The following FNDC3A variants were observed in gnomAD, a reference collection of about 807,000 sequenced individuals.
FNDC3A encodes fibronectin type-III domain-containing protein 3A.
FNDC3A carries 32 observed loss-of-function variants against 148.9 expected under a neutral mutation model. That is an observed-to-expected ratio of 0.21 (90% confidence interval 0.16 to 0.29). The LOEUF (loss-of-function observed/expected upper bound fraction) is 0.29, where lower values mean the gene tolerates loss of function less well. Among genes scored for constraint, FNDC3A ranks in the 10% least tolerant of loss-of-function variants. The pLI, the probability that FNDC3A is intolerant of heterozygous loss-of-function variation, is 1.00. For synonymous variants in FNDC3A, 472 were observed against 473.6 expected (o/e 1.00, Z 0.04); for missense variants, 1,191 against 1,452.8 (o/e 0.82, Z 2.93).
chr13:49,160,541 CA>C (rs1884034452), intron 8 of FNDC3A, among the ~76,000 whole-genome samples: 1 of 151,968 alleles, frequency 6.6e-6, no homozygotes, highest in South Asian at 2.1e-4. Flanking sequence ...AGCGGTCTAT[CA>C]ATTTTGTTGA....
chr13:49,106,496 A>G (rs1028450094), intron 3 of FNDC3A, among the ~76,000 whole-genome samples: 2 of 151,808 alleles, frequency 1.3e-5, no homozygotes, highest in African/African-American at 4.8e-5. Flanking sequence ...GAGATTTTTT[A>G]TGGAGATGGG....
chr13:49,153,580 G>T (rs1373062967), intron 8 of FNDC3A, among the ~76,000 whole-genome samples: 112 of 152,230 alleles, frequency 7.4e-4, no homozygotes, highest in African/African-American at 2.1e-3. Context: ...GTTTTAGACA[G>T]GAAGTCCTTG....
chr13:49,069,341 G>T (rs1877488379), intron 2 of FNDC3A, among the ~76,000 whole-genome samples: 2 of 152,052 alleles, frequency 1.3e-5, no homozygotes, highest in Non-Finnish European at 2.9e-5. Context: ...ACTCTTCATT[G>T]TCCTTAAAAT....
Position 49,036,822 on chromosome 13 carries a change from A to G in FNDC3A, c.99+30533A>G, listed in dbSNP as rs143948636. On this transcript the variant is annotated intron_variant, in intron 2 of 25. Transcript: ENST00000492622. ...TAGAGTTTTCTGAAGAAGAAATTCT[A>G]TGTTCACAGTCATAGTGGTTGAGAA... 1.2e-3 allele frequency among the ~76,000 whole-genome samples: 188 copies of G among 152,332 alleles called. 1 individual carries two copies. Among genetic ancestry groups the G allele is most frequent in the African/African-American group, 4.1e-3 (169 of 41,584 alleles).
At chr13:49,016,476 T>C (rs1273534912) in intron 2 of FNDC3A, among the ~76,000 whole-genome samples, 2 of 152,216 alleles carry the variant, frequency 1.3e-5, no homozygotes, top group African/African-American at 4.8e-5. Context: ...ATTGTATCTA[T>C]TTGATTCTTC....
At chr13:49,001,054 C>T (rs1952115786) in intron 1 of FNDC3A, among the ~76,000 whole-genome samples, 1 of 151,750 alleles carries the variant, frequency 6.6e-6, no homozygotes, top group African/African-American at 2.4e-5. Flanking sequence ...TTCTTCCTGT[C>T]CAGTTTAGAT....
chr13:49,090,604 CCCTGGCTGTTGTGA>C, intron 3 of FNDC3A, among the ~76,000 whole-genome samples: 1 of 151,862 alleles, frequency 6.6e-6, no homozygotes, highest in African/African-American at 2.4e-5. Context: ...CCACCCCACC[CCCTGGCTGTTGTGA>C]CTTCCAGGGG....
chr13:49,167,775 A>C (rs1222666314), intron 9 of FNDC3A, among the ~76,000 whole-genome samples: 1 of 152,186 alleles, frequency 6.6e-6, no homozygotes, highest in African/African-American at 2.4e-5. Flanking sequence ...TTCCAAAAAA[A>C]AAACATTTAA....
chr13:49,094,333 A>G (rs898979401), intron 3 of FNDC3A, among the ~76,000 whole-genome samples: 2 of 152,142 alleles, frequency 1.3e-5, no homozygotes, highest in African/African-American at 2.4e-5. Context: ...GGCTTTTCCA[A>G]TTCATTTTAC....
chr13:49,185,845 C>A, intron 14 of FNDC3A, 119 bp from the exon 15 acceptor site: 2 of 741,238 alleles, frequency 2.7e-6, no homozygotes, highest in South Asian at 1.9e-5. Flanking sequence ...CCATTCCAAG[C>A]TAAAAAAAAT....
intron 1 of FNDC3A, chr13:48,976,568 T>A (rs1951603905): frequency 6.6e-6 from 1 of 151,822 alleles, no homozygotes; most frequent in South Asian, 2.1e-4. Flanking sequence ...GCGAGCCGCG[T>A]AGCTCCGGAG....
chr13:49,178,660 CTTTGAAAACCCTTAAACGA>C lies in FNDC3A; in HGVS notation c.1617+11_1617+29del. 6.8e-7 allele frequency: 1 copy of C among 1,460,126 alleles called. No individual in the cohort carries two copies. The highest frequency in any genetic ancestry group is 2.5e-5 in the East Asian group (1 of 40,788). The allele number at this position is 1,460,126 out of a possible 1,614,324, so 90.4% of individuals were successfully genotyped here. On this transcript the variant is annotated splice_region_variant and intron_variant, in intron 14 of 25. Coordinates refer to ENST00000492622, the MANE Select transcript of FNDC3A (RefSeq NM_001079673.2). ...GTACTAAGTATAAATTTAAGGTAAGCTTTGAAAACCCTTAAACGATTTGTTCCTTGTTCCTATTCTTACT... is the reference window on the plus strand; with the variant it reads ...GTACTAAGTATAAATTTAAGGTAAGCTTTGTTCCTTGTTCCTATTCTTACT...
intron 1 of FNDC3A, among the ~76,000 whole-genome samples, chr13:48,990,588 C>CAAAAA (rs58007137): frequency 2.1e-4 from 12 of 58,100 alleles, no homozygotes; most frequent in East Asian, 1.0e-3. Context: ...CCTGTCTCTC[C>CAAAAA]AAAAAAAAAA....
chr13:49,191,613 TG>T (rs1885891843), intron 19 of FNDC3A, among the ~76,000 whole-genome samples: 1 of 152,236 alleles, frequency 6.6e-6, no homozygotes, highest in African/African-American at 2.4e-5. Flanking sequence ...TGTGACACTT[TG>T]GACTTCAGCT....
At chr13:49,135,970 A>G (rs899476537) in intron 5 of FNDC3A, among the ~76,000 whole-genome samples, 1 of 152,178 alleles carries the variant, frequency 6.6e-6, no homozygotes, top group Non-Finnish European at 1.5e-5. Flanking sequence ...GTGAAAAGTA[A>G]TAGTTACTAA....
chr13:49,012,577 A>G (rs1198007652), intron 2 of FNDC3A, among the ~76,000 whole-genome samples: 2 of 151,836 alleles, frequency 1.3e-5, no homozygotes, highest in East Asian at 1.9e-4. Context: ...CACACACACA[A>G]CACCTGCTGA....
intron 1 of FNDC3A, among the ~76,000 whole-genome samples, chr13:49,002,985 G>A (rs542587636): frequency 2.0e-5 from 3 of 152,220 alleles, no homozygotes; most frequent in South Asian, 2.1e-4. Flanking sequence ...AGTGATTTAC[G>A]AATTTTCATT....
intron 2 of FNDC3A, among the ~76,000 whole-genome samples, chr13:49,047,506 G>A (rs1464885047): frequency 6.6e-6 from 1 of 152,068 alleles, no homozygotes; most frequent in Non-Finnish European, 1.5e-5. Flanking sequence ...GAGTCAGTTG[G>A]TATTGCATTG....
chr13:48,998,479 A>G (rs1952063287), intron 1 of FNDC3A, among the ~76,000 whole-genome samples: 1 of 152,222 alleles, frequency 6.6e-6, no homozygotes, highest in African/African-American at 2.4e-5. Flanking sequence ...TGTAAGATGT[A>G]TGTAAAACAT....
Sources: allele counts gnomAD v4.1 joint callset (sites outside exome capture counted in the v4.1 genomes callset), GRCh38; gene constraint gnomAD v4.1.1; transcripts MANE v1.5; gene names NCBI Gene and HGNC (gene_info 2026-07-23, HGNC 2026-07-21).